The following MFSD11 variants were observed in gnomAD, a reference collection of about 807,000 sequenced individuals.
MFSD11 encodes the protein UNC93-like protein MFSD11.
A neutral mutation model predicts 53.5 loss-of-function variants in MFSD11; 36 were observed. The observed-to-expected ratio is 0.67, with a 90% confidence interval of 0.52 to 0.89. The LOEUF is 0.89. MFSD11 is among the 40% of genes least tolerant of loss of function. MFSD11 has a pLI of 0.00. For synonymous variants in MFSD11, 186 were observed against 184.9 expected (o/e 1.01, Z -0.05); for missense variants, 530 against 543.9 (o/e 0.97, Z 0.25).
chr17:76,784,585 A>G (rs930487154), downstream of MFSD11, among the ~76,000 whole-genome samples: 1 of 151,620 alleles, frequency 6.6e-6, no homozygotes, highest in Non-Finnish European at 1.5e-5. Flanking sequence ...ATGGAATGGC[A>G]TTCAGCATTA....
intron 1 of MFSD11, 199 bp downstream of exon 1, chr17:76,738,647 A>T (rs1473357212): frequency 4.9e-6 from 3 of 609,090 alleles, no homozygotes. Context: ...ATTATCGTTT[A>T]ATCTGATTTG....
chr17:76,743,291 C>T, intron 5 of MFSD11, 107 bp from the exon 6 acceptor site: 1 of 715,748 alleles, frequency 1.4e-6, no homozygotes, highest in Non-Finnish European at 2.3e-6. Flanking sequence ...AAAATGATGT[C>T]CTTCTCTCTC....
At position 76,776,325 on chromosome 17, in the gene MFSD11, C is replaced by G. The variant is rs1490361063; in HGVS notation, c.1050-81C>G. 6 of 1,465,450 alleles carry G rather than the reference C, an allele frequency of 4.1e-6. No homozygotes were observed. The highest frequency in any genetic ancestry group is 5.5e-6 in the Non-Finnish European group (6 of 1,081,220). The allele number at this position is 1,465,450 out of a possible 1,614,324, so 90.8% of individuals were successfully genotyped here. ...GTGTTTACAACTTGCAGGTAGAATT[C>G]TTTTGTGGGTGGGTTGCTTGTATAT... On this transcript the variant is annotated intron_variant, in intron 11 of 12. Transcript: ENST00000685175. This position sits in a 1 kb window ranked among gnomAD's most constrained non-coding sequence, Gnocchi z 4.2.
intron 10 of MFSD11, among the ~76,000 whole-genome samples, chr17:76,772,696 T>TAAA (rs781383673): frequency 1.3e-4 from 19 of 151,808 alleles, no homozygotes; most frequent in Non-Finnish European, 1.8e-4. Context: ...TTTTGTATTT[T>TAAA]TAGTAGAGAT....
intron 2 of MFSD11, among the ~76,000 whole-genome samples, chr17:76,739,973 T>G (rs1305930632): frequency 1.3e-5 from 2 of 150,826 alleles, no homozygotes; most frequent in Non-Finnish European, 3.0e-5. Flanking sequence ...TAGACCATCG[T>G]GGCTAACACG....
intron 7 of MFSD11, among the ~76,000 whole-genome samples, chr17:76,748,227 A>C (rs568475334): frequency 2.3e-4 from 35 of 152,084 alleles, no homozygotes; most frequent in Non-Finnish European, 4.4e-4. Context: ...AGAAGGAAGA[A>C]GTGGAAGCAG....
chr17:76,788,821 C>T, the MFSD11 span, among the ~76,000 whole-genome samples: 9 of 147,322 alleles, frequency 6.1e-5, no homozygotes, highest in East Asian at 1.2e-3. Context: ...GGCGACAGGA[C>T]GAGACTCCGT....
the MFSD11 span, among the ~76,000 whole-genome samples, chr17:76,788,939 C>T: frequency 3.8e-4 from 56 of 149,256 alleles, 2 homozygotes; most frequent in Non-Finnish European, 7.6e-4. Flanking sequence ...GTCAGAAGTT[C>T]GAGACCAGCC....
Position 76,778,404 on chromosome 17 carries a change from G to C in MFSD11, c.*52G>C, listed in dbSNP as rs752199270. 3 of 1,576,972 alleles carry C rather than the reference G, an allele frequency of 1.9e-6. No individual in the cohort carries two copies. Among genetic ancestry groups the C allele is most frequent in the Non-Finnish European group, 2.6e-6 (3 of 1,152,062 alleles). On this transcript the variant is annotated 3_prime_UTR_variant, in exon 13 of 13. Transcript: ENST00000685175. ...GACCTCAGAAACACAGCTGGACACAGAGCTTGGTGGAAGAAGTCGCCTTTG... is the reference window on the plus strand; with the variant it reads ...GACCTCAGAAACACAGCTGGACACACAGCTTGGTGGAAGAAGTCGCCTTTG...
chr17:76,768,204 C>T (rs1007340552), intron 9 of MFSD11, among the ~76,000 whole-genome samples: 6 of 150,330 alleles, frequency 4.0e-5, no homozygotes, highest in Non-Finnish European at 7.4e-5. Context: ...CTCAGGAGGC[C>T]GAGGTGGGAG....
intron 2 of MFSD11, among the ~76,000 whole-genome samples, chr17:76,739,403 G>A (rs924301350): frequency 4.6e-5 from 7 of 152,162 alleles, no homozygotes; most frequent in African/African-American, 1.7e-4. Flanking sequence ...AATTCATGAC[G>A]ATTAATATAC....
Position 76,742,060 on chromosome 17 carries a change from G to T in MFSD11, c.340+12G>T, listed in dbSNP as rs749805748. ...AATTGCTGCTGCTGGTAAGCATTTTGATTTTTAACTTCTCTGCTTTCTTTT... is the reference window on the plus strand; with the variant it reads ...AATTGCTGCTGCTGGTAAGCATTTTTATTTTTAACTTCTCTGCTTTCTTTT... On this transcript the variant is annotated intron_variant, in intron 4 of 12. Transcript: ENST00000685175. The T allele has an allele frequency of 1.2e-6, 2 of 1,614,068 alleles. No homozygotes were observed. Among genetic ancestry groups the T allele is most frequent in the Non-Finnish European group, 1.7e-6 (2 of 1,180,008 alleles).
At chr17:76,755,780 G>GTATACATATA (rs1324156634) in intron 8 of MFSD11, among the ~76,000 whole-genome samples, 43 of 67,790 alleles carry the variant, frequency 6.3e-4, no homozygotes, top group South Asian at 1.5e-3. Flanking sequence ...GTGTGTGTGT[G>GTATACATATA]TGTGTGTATA....
At chr17:76,777,520 CCACCGCCCCGGCTATAT>C in intron 12 of MFSD11, among the ~76,000 whole-genome samples, 2 of 152,314 alleles carry the variant, frequency 1.3e-5, no homozygotes, top group East Asian at 3.9e-4. Context: ...TAAACATGAG[CCACCGCCCCGGCTATAT>C]TGTGTTTCTT....
At chr17:76,739,730 C>A (rs1344618017) in intron 2 of MFSD11, among the ~76,000 whole-genome samples, 2 of 152,184 alleles carry the variant, frequency 1.3e-5, no homozygotes, top group African/African-American at 4.8e-5. Flanking sequence ...CCGCCCCCCA[C>A]AAACCCATAA....
chr17:76,741,546 A>G (rs762429593), intron 3 of MFSD11, among the ~76,000 whole-genome samples: 1 of 152,280 alleles, frequency 6.6e-6, no homozygotes, highest in African/African-American at 2.4e-5. Context: ...AGGCCGAGGT[A>G]TTGCTTGAGC....
At chr17:76,794,888 G>A in the MFSD11 span, among the ~76,000 whole-genome samples, 1 of 150,802 alleles carries the variant, frequency 6.6e-6, no homozygotes, top group South Asian at 2.1e-4. Flanking sequence ...TAGAGACGGG[G>A]TTTCACCATC....
At position 76,741,670 on chromosome 17, in the gene MFSD11, C is replaced by T. The variant is rs551338272; in HGVS notation, c.261-299C>T. Among the ~76,000 whole-genome samples the T allele has an allele frequency of 1.7e-4, 26 of 152,224 alleles. No individual in the cohort carries two copies. In the East Asian group the frequency reaches 2.3e-3, roughly 14 times the overall value. Reference sequence around the variant, plus strand: ...GGGCTTGGTGGCACATGCCTGTAGTCCCAGCTACTTAGGAGGCTGAGGTGG... The same window carrying T: ...GGGCTTGGTGGCACATGCCTGTAGTTCCAGCTACTTAGGAGGCTGAGGTGG... On this transcript the variant is annotated intron_variant, in intron 3 of 12. Coordinates refer to ENST00000685175, the MANE Select transcript of MFSD11 (RefSeq NM_001242532.5).
chr17:76,740,010 CAA>C (rs757455563), intron 2 of MFSD11, among the ~76,000 whole-genome samples: 4 of 130,376 alleles, frequency 3.1e-5, no homozygotes. Context: ...ACTAAAAATA[CAA>C]AAAAAAAAAA....
Sources: allele counts gnomAD v4.1 joint callset (sites outside exome capture counted in the v4.1 genomes callset), GRCh38; gene constraint gnomAD v4.1.1; non-coding constraint Gnocchi (gnomAD v3.1); transcripts MANE v1.5; gene names NCBI Gene and HGNC (gene_info 2026-07-23, HGNC 2026-07-21).